Variants in MEI4 observed in about 807,000 individuals in gnomAD.
MEI4 encodes the protein meiosis-specific protein MEI4.
MEI4 carries 27 observed loss-of-function variants against 31.4 expected under a neutral mutation model. The observed-to-expected ratio is 0.86, with a 90% confidence interval of 0.63 to 1.19. The LOEUF (loss-of-function observed/expected upper bound fraction) is 1.19. MEI4 is among the 50% of genes most tolerant of loss of function. The pLI, the probability that MEI4 is intolerant of heterozygous loss-of-function variation, is 0.00. For synonymous variants in MEI4, 122 were observed against 145.4 expected, an observed-to-expected ratio of 0.84 and a Z score of 1.16; for missense variants, 329 against 398.9, an observed-to-expected ratio of 0.82 and a Z score of 1.49.
intron 2 of MEI4, among the ~76,000 whole-genome samples, chr6:77,743,096 C>A (rs867659611): frequency 1.5e-4 from 23 of 152,162 alleles, no homozygotes; most frequent in African/African-American, 5.5e-4. Context: ...ATTGACTTGG[C>A]GATGCGGGCT....
intron 4 of MEI4, among the ~76,000 whole-genome samples, chr6:77,865,516 A>G (rs925908894): frequency 6.6e-6 from 1 of 152,208 alleles, no homozygotes; most frequent in African/African-American, 2.4e-5. Context: ...ACACTCTCCC[A>G]AGACTAAACC....
At chr6:77,848,030 G>A (rs1240675178) in intron 4 of MEI4, among the ~76,000 whole-genome samples, 2 of 152,078 alleles carry the variant, frequency 1.3e-5, no homozygotes, top group East Asian at 1.9e-4. Context: ...GAATGATTTC[G>A]GGTACAAACT....
chr6:77,761,497 T>C lies in MEI4; in HGVS notation c.600T>C (p.Asn200=). The part of the protein sequence containing the change: ...LLDGLITFYR[N]PKLPFSRFWT... ...ATGGCCTGATCACTTTTTACCGTAA[T>C]CCCAAACTTCCTTTTTCAAGATTTT... Residue 200 remains asparagine (N), a synonymous_variant, in exon 3 of 5, where the codon AAT becomes AAC. Coordinates refer to ENST00000684080, the MANE Select transcript of MEI4 (RefSeq NM_001322247.2). The C allele has an allele frequency of 8.1e-7, 1 of 1,232,172 alleles. No homozygotes were observed. Among genetic ancestry groups the C allele is most frequent in the Non-Finnish European group, 1.0e-6 (1 of 987,938 alleles). 76.3% of individuals were successfully genotyped at this position (1,232,172 alleles called of 1,614,324 possible). A position where few individuals can be genotyped will look rare whatever the true frequency, so the allele number is the denominator to read the frequency against.
intron 3 of MEI4, among the ~76,000 whole-genome samples, chr6:77,804,239 G>A (rs1310765865): frequency 6.6e-6 from 1 of 152,090 alleles, no homozygotes; most frequent in South Asian, 2.1e-4. Flanking sequence ...CTAGCAATGA[G>A]CAAGACTCTG....
At chr6:77,776,136 G>A (rs1357689238) in intron 3 of MEI4, among the ~76,000 whole-genome samples, 1 of 151,084 alleles carries the variant, frequency 6.6e-6, no homozygotes, top group East Asian at 1.9e-4. Flanking sequence ...TCTCTGGGAT[G>A]TCTGTTTACT....
At chr6:77,908,492 G>C (rs138820932) in intron 4 of MEI4, among the ~76,000 whole-genome samples, 1 of 152,098 alleles carries the variant, frequency 6.6e-6, no homozygotes, top group African/African-American at 2.4e-5. Context: ...GCTCTGTTCT[G>C]TTCCATTGGT....
intron 2 of MEI4, among the ~76,000 whole-genome samples, chr6:77,734,147 C>A (rs973695246): frequency 6.6e-6 from 1 of 151,890 alleles, no homozygotes; most frequent in African/African-American, 2.4e-5. Flanking sequence ...ATTAGGTCCG[C>A]TTGGTGCAGA....
In MEI4 at chr6:77,856,436, A is replaced by T. The variant is rs1458693387; in HGVS notation, c.900+27374A>T. Among the ~76,000 whole-genome samples, 6 of 152,170 alleles carry T rather than the reference A, an allele frequency of 3.9e-5. 1 individual carries two copies. The highest frequency in any genetic ancestry group is 1.3e-4 in the Admixed American group (2 of 15,262). ...AAGCCCTACCTATGCCATTGTATAC[A>T]TAGAAGGTTGCCTGAATTTATCAGG... On this transcript the variant is annotated intron_variant, in intron 4 of 4. Transcript: ENST00000684080.
chr6:77,868,641 T>G (rs1771119357), intron 4 of MEI4, among the ~76,000 whole-genome samples: 1 of 150,772 alleles, frequency 6.6e-6, no homozygotes, highest in African/African-American at 2.4e-5. Flanking sequence ...GTTTTTAGAG[T>G]AGAAGAAGTC....
intron 2 of MEI4, among the ~76,000 whole-genome samples, chr6:77,757,705 T>C (rs987142297): frequency 1.3e-5 from 2 of 152,226 alleles, no homozygotes; most frequent in African/African-American, 4.8e-5. Flanking sequence ...AATTGTTCTG[T>C]TTTTTAAATT....
chr6:77,825,988 A>T (rs1050046252), intron 3 of MEI4, among the ~76,000 whole-genome samples: 1 of 152,198 alleles, frequency 6.6e-6, no homozygotes, highest in African/African-American at 2.4e-5. Flanking sequence ...TATATTGGCC[A>T]TTGGCTGGGA....
chr6:77,873,877 CTTGT>C, intron 4 of MEI4, among the ~76,000 whole-genome samples: 1 of 152,290 alleles, frequency 6.6e-6, no homozygotes, highest in South Asian at 2.1e-4. Context: ...TTCCCCATTG[CTTGT>C]TTTTCTCAGG....
intron 4 of MEI4, among the ~76,000 whole-genome samples, chr6:77,873,096 T>C (rs1227120863): frequency 1.3e-5 from 2 of 152,046 alleles, no homozygotes; most frequent in Non-Finnish European, 2.9e-5. Context: ...AGCAGCATGA[T>C]TTATAGCAGC....
At chr6:77,678,157 C>A (rs922706298) in intron 1 of MEI4, among the ~76,000 whole-genome samples, 1 of 152,278 alleles carries the variant, frequency 6.6e-6, no homozygotes, top group South Asian at 2.1e-4. Context: ...ATCAGTAAAA[C>A]ACCCCTTTCA....
intron 2 of MEI4, among the ~76,000 whole-genome samples, chr6:77,726,338 C>A (rs150926187): frequency 1.3e-5 from 2 of 151,674 alleles, no homozygotes; most frequent in Non-Finnish European, 2.9e-5. Flanking sequence ...GACACAGTAA[C>A]AATCTGATCT....
intron 4 of MEI4, among the ~76,000 whole-genome samples, chr6:77,894,805 T>C (rs1766045499): frequency 6.6e-6 from 1 of 152,188 alleles, no homozygotes; most frequent in African/African-American, 2.4e-5. Flanking sequence ...TAGGAAATGA[T>C]TTTAGCCTGT....
intron 3 of MEI4, among the ~76,000 whole-genome samples, chr6:77,793,990 A>G (rs1026317140): frequency 6.6e-6 from 1 of 152,146 alleles, no homozygotes; most frequent in East Asian, 1.9e-4. Flanking sequence ...CAAAAGACAC[A>G]GACTGGATGA....
chr6:77,887,036 G>T (rs1440165018), intron 4 of MEI4, among the ~76,000 whole-genome samples: 1 of 151,794 alleles, frequency 6.6e-6, no homozygotes. Flanking sequence ...ATTCCTTGGG[G>T]TTTATTGTTA....
intron 2 of MEI4, among the ~76,000 whole-genome samples, chr6:77,698,263 A>G (rs1167395846): frequency 6.6e-6 from 1 of 152,120 alleles, no homozygotes; most frequent in Non-Finnish European, 1.5e-5. Context: ...GTTAGCCCAT[A>G]TACATTTAAA....
Sources: gnomAD v4.1 joint callset for allele counts (sites outside exome capture counted in the v4.1 genomes callset) on GRCh38, gnomAD v4.1.1 for gene constraint, MANE v1.5 for transcripts, NCBI Gene and HGNC (gene_info 2026-07-23, HGNC 2026-07-21) for gene names.